DLGAP2: variants seen among roughly 807,000 people sequenced by gnomAD.
The protein encoded by DLGAP2 is disks large-associated protein 2.
Under a neutral mutation model 100.3 loss-of-function variants are expected in DLGAP2, and 26 were observed. The observed-to-expected ratio is 0.26, with a 90% CI of 0.19 to 0.36. The LOEUF (loss-of-function observed/expected upper bound fraction) is 0.36, where lower values mean the gene tolerates loss of function less well. Among genes scored for constraint, DLGAP2 ranks in the 10% least tolerant of loss-of-function variants. DLGAP2 has a pLI of 1.00. For synonymous variants in DLGAP2, 886 were observed against 630.1 expected (o/e 1.41, Z -6.08); for missense variants, 1,858 against 1,453.2 (o/e 1.28, Z -4.53).
In DLGAP2 at chr8:1,292,874, A is replaced by G. The variant is rs115042763; in HGVS notation, c.106+33991A>G. 7.3e-4 allele frequency among the ~76,000 whole-genome samples: 111 copies of G among 152,216 alleles called. 2 individuals are homozygous for G. The highest frequency in any genetic ancestry group is 6.8e-3 in the Middle Eastern group (2 of 294). On this transcript the variant is annotated intron_variant, in intron 3 of 14. Coordinates refer to ENST00000637795, the MANE Select transcript of DLGAP2 (RefSeq NM_001346810.2). ...CAAGCCTACGCTGCCTCCTCCAGCA[A>G]CAGTGCCCACCCCGTGCGTGGGTCA...
At chr8:1,539,144 C>A (rs1277797312) in intron 4 of DLGAP2, among the ~76,000 whole-genome samples, 3 of 152,172 alleles carry the variant, frequency 2.0e-5, no homozygotes, top group African/African-American at 7.2e-5. Flanking sequence ...CCTCAGCCTC[C>A]TAAAGTGCTG....
chr8:852,472 G>A (rs1238471044), intron 1 of DLGAP2, among the ~76,000 whole-genome samples: 1 of 152,196 alleles, frequency 6.6e-6, no homozygotes, highest in Admixed American at 6.5e-5. Flanking sequence ...CTCATCAGCT[G>A]TAAATTGTAA....
chr8:1,057,499 G>C (rs1404292998), intron 2 of DLGAP2, among the ~76,000 whole-genome samples: 1 of 152,200 alleles, frequency 6.6e-6, no homozygotes, highest in African/African-American at 2.4e-5. Context: ...AAATGGCATT[G>C]CCTAAGAATT....
At chr8:1,495,096 C>G (rs1047969670) in intron 3 of DLGAP2, among the ~76,000 whole-genome samples, 4 of 152,220 alleles carry the variant, frequency 2.6e-5, no homozygotes, top group Non-Finnish European at 4.4e-5. Context: ...CAGCCCCTGG[C>G]GGTCTTGGTG....
At chr8:1,303,068 C>T (rs1461805932) in intron 3 of DLGAP2, among the ~76,000 whole-genome samples, 1 of 152,044 alleles carries the variant, frequency 6.6e-6, no homozygotes, top group East Asian at 1.9e-4. Flanking sequence ...CGCAGGGGAG[C>T]GAGCGTCCTT....
At chr8:1,188,174 C>G (rs975592240) in intron 2 of DLGAP2, among the ~76,000 whole-genome samples, 2 of 133,724 alleles carry the variant, frequency 1.5e-5, no homozygotes, top group Non-Finnish European at 3.1e-5. Context: ...CTCACGGAAT[C>G]TCACACGCCC....
At chr8:1,500,685 G>A (rs569776480) in intron 3 of DLGAP2, among the ~76,000 whole-genome samples, 2 of 152,378 alleles carry the variant, frequency 1.3e-5, no homozygotes, top group South Asian at 2.1e-4. Context: ...AGGGAAGACA[G>A]TGCTCAGTGA....
At chr8:929,621 TTCCCCCTGTAAACATCCCACAC>T (rs1798908601) in intron 2 of DLGAP2, among the ~76,000 whole-genome samples, 1 of 4,438 alleles carries the variant, frequency 2.3e-4, no homozygotes, top group Admixed American at 4.2e-3. Context: ...CCCCCCGCCA[TTCCCCCTGTAAACATCCCACAC>T]CCCCCACCAT....
chr8:1,048,599 G>T (rs1288747848), intron 2 of DLGAP2, among the ~76,000 whole-genome samples: 2 of 151,704 alleles, frequency 1.3e-5, no homozygotes, highest in African/African-American at 2.4e-5. Flanking sequence ...GTGAATACTT[G>T]GTGTGTTTCC....
At chr8:1,138,295 G>T (rs1482269980) in intron 2 of DLGAP2, among the ~76,000 whole-genome samples, 2 of 152,206 alleles carry the variant, frequency 1.3e-5, no homozygotes, top group Non-Finnish European at 2.9e-5. Flanking sequence ...ACTTGGGGAG[G>T]CCTGGGTGTC....
At chr8:1,500,942 C>T (rs1046019577) in intron 3 of DLGAP2, among the ~76,000 whole-genome samples, 15 of 152,142 alleles carry the variant, frequency 9.9e-5, no homozygotes, top group African/African-American at 1.2e-4. Flanking sequence ...CTTTCTAGAC[C>T]GGAAGGAAAG....
At chr8:1,623,774 T>C (rs992330012) in intron 6 of DLGAP2, among the ~76,000 whole-genome samples, 3 of 152,258 alleles carry the variant, frequency 2.0e-5, no homozygotes, top group Non-Finnish European at 4.4e-5. Flanking sequence ...ATAGGACTAA[T>C]GTAAACATTA....
intron 4 of DLGAP2, among the ~76,000 whole-genome samples, chr8:1,508,524 C>CCCCCCACACAA (rs1800031231): frequency 2.0e-5 from 1 of 48,900 alleles, no homozygotes; most frequent in Non-Finnish European, 4.0e-5. Flanking sequence ...AAACCCCCGC[C>CCCCCCACACAA]ACCACGCGCA....
chr8:965,071 G>C (rs1177207923), intron 2 of DLGAP2, among the ~76,000 whole-genome samples: 2 of 136,230 alleles, frequency 1.5e-5, no homozygotes, highest in Non-Finnish European at 3.1e-5. Flanking sequence ...GTCTGACCCC[G>C]CACTGCACAC....
At chr8:1,266,119 A>G (rs1291433990) in intron 3 of DLGAP2, among the ~76,000 whole-genome samples, 1 of 152,238 alleles carries the variant, frequency 6.6e-6, no homozygotes, top group Non-Finnish European at 1.5e-5. Flanking sequence ...TAACCCAGGA[A>G]AAGCAGAGAC....
At chr8:1,350,905 G>A (rs1440851044) in intron 3 of DLGAP2, among the ~76,000 whole-genome samples, 7 of 128,928 alleles carry the variant, frequency 5.4e-5, no homozygotes, top group African/African-American at 1.2e-4. Context: ...TGGAAAGGCC[G>A]TGCGGGTCCT....
At chr8:1,147,326 A>G (rs1361218167) in intron 2 of DLGAP2, among the ~76,000 whole-genome samples, 3 of 152,156 alleles carry the variant, frequency 2.0e-5, no homozygotes, top group South Asian at 2.1e-4. Context: ...TTGCTATTGT[A>G]TGGAAATACA....
intron 4 of DLGAP2, among the ~76,000 whole-genome samples, chr8:1,509,662 C>T (rs1175554420): frequency 6.6e-6 from 1 of 152,072 alleles, no homozygotes; most frequent in Non-Finnish European, 1.5e-5. Flanking sequence ...TTGAGCAATT[C>T]ACCCACCTCT....
At chr8:1,180,402 A>G (rs566330919) in intron 2 of DLGAP2, among the ~76,000 whole-genome samples, 16 of 152,336 alleles carry the variant, frequency 1.1e-4, no homozygotes, top group African/African-American at 3.6e-4. Flanking sequence ...AAGGGGCCTC[A>G]CAATGTTGCC....
Sources: gnomAD v4.1 joint callset for allele counts (sites outside exome capture counted in the v4.1 genomes callset) on GRCh38, gnomAD v4.1.1 for gene constraint, MANE v1.5 for transcripts, NCBI Gene and HGNC (gene_info 2026-07-23, HGNC 2026-07-21) for gene names.